The following NCKAP5 variants were observed in gnomAD, a reference collection of about 807,000 sequenced individuals.
NCKAP5 encodes the protein NCK associated protein 5.
Under a neutral mutation model 167.0 loss-of-function variants are expected in NCKAP5, and 92 were observed. The observed-to-expected ratio is 0.55, with a 90% CI of 0.47 to 0.66. The LOEUF is 0.66. Among genes scored for constraint, NCKAP5 ranks in the 30% least tolerant of loss-of-function variants. NCKAP5 has a pLI of 0.00. For synonymous variants in NCKAP5, 891 were observed against 877.4 expected (o/e 1.02, Z -0.27); for missense variants, 2,378 against 2,315.0 (o/e 1.03, Z -0.56).
At chr2:133,638,893 A>C in the NCKAP5 span, among the ~76,000 whole-genome samples, 1 of 151,660 alleles carries the variant, frequency 6.6e-6, no homozygotes, top group African/African-American at 2.4e-5. Flanking sequence ...TTTAAAGTGT[A>C]ACAAACAAGC....
the NCKAP5 span, among the ~76,000 whole-genome samples, chr2:133,592,287 A>T: frequency 6.6e-6 from 1 of 152,224 alleles, no homozygotes; most frequent in African/African-American, 2.4e-5. Context: ...CTAGTCAGAG[A>T]ATGAGATCCA....
At chr2:132,834,338 T>G (rs1687729494) in intron 11 of NCKAP5, among the ~76,000 whole-genome samples, 1 of 151,898 alleles carries the variant, frequency 6.6e-6, no homozygotes, top group Non-Finnish European at 1.5e-5. Context: ...TTTTTCTTTA[T>G]TTATCTCTTT....
At chr2:132,829,212 C>T (rs1275359410) in intron 11 of NCKAP5, among the ~76,000 whole-genome samples, 2 of 152,088 alleles carry the variant, frequency 1.3e-5, no homozygotes, top group East Asian at 1.9e-4. Context: ...AACAGCATGG[C>T]TTTTACAGTA....
chr2:133,364,423 G>C (rs773407511), intron 3 of NCKAP5, among the ~76,000 whole-genome samples: 1 of 152,020 alleles, frequency 6.6e-6, no homozygotes, highest in Non-Finnish European at 1.5e-5. Flanking sequence ...TGCAAACATA[G>C]TACAGAATTC....
At chr2:133,036,030 G>C (rs2149439599) in intron 6 of NCKAP5, among the ~76,000 whole-genome samples, 1 of 151,874 alleles carries the variant, frequency 6.6e-6, no homozygotes, top group East Asian at 1.9e-4. Context: ...AGGATTATTA[G>C]GGGCTACTAT....
At chr2:133,147,870 C>T (rs1343919554) in intron 5 of NCKAP5, among the ~76,000 whole-genome samples, 1 of 152,002 alleles carries the variant, frequency 6.6e-6, no homozygotes, top group Non-Finnish European at 1.5e-5. Flanking sequence ...CAGCTTCTGG[C>T]ATTATTTATT....
chr2:133,111,163 A>G (rs2081897551), intron 6 of NCKAP5, among the ~76,000 whole-genome samples: 1 of 152,138 alleles, frequency 6.6e-6, no homozygotes, highest in South Asian at 2.1e-4. Flanking sequence ...CATAACACAC[A>G]CCACGTAAGA....
chr2:132,694,057 T>C (rs898656840), intron 19 of NCKAP5, among the ~76,000 whole-genome samples: 1 of 152,104 alleles, frequency 6.6e-6, no homozygotes, highest in South Asian at 2.1e-4. Context: ...AAAAGTGTAT[T>C]TATGAGGTTT....
In NCKAP5 at chr2:132,782,106, T is replaced by A. The variant is rs147016733; in HGVS notation, c.4705A>T (p.Ile1569Phe). Reference protein sequence around the residue: ...ELQCETENELIKDTKSADNPD... With the variant: ...ELQCETENELFKDTKSADNPD... ...TTATCTGCTGACTTGGTGTCCTTGA[T>A]AAGCTCATTTTCTGTCTCACACTGT... The change falls in exon 14 of 20, where the codon ATC (isoleucine) becomes TTC (phenylalanine). Residue 1569 changes from isoleucine to phenylalanine, a missense_variant. Ile to Phe is a conservative substitution (Grantham distance 21). Coordinates refer to ENST00000409261, the MANE Select transcript of NCKAP5 (RefSeq NM_207363.3). The A allele has an allele frequency of 4.4e-4, 710 of 1,614,082 alleles. 2 individuals are homozygous for A. The Middle Eastern group carries it at 4.5e-3, about 10-fold the overall frequency.
chr2:133,537,241 A>C (rs1192786009), intron 2 of NCKAP5, among the ~76,000 whole-genome samples: 1 of 151,926 alleles, frequency 6.6e-6, no homozygotes, highest in Non-Finnish European at 1.5e-5. Flanking sequence ...GAATCTTCCA[A>C]CTTCATTCTT....
At chr2:132,862,769 A>G (rs1690019753) in intron 10 of NCKAP5, among the ~76,000 whole-genome samples, 1 of 136,044 alleles carries the variant, frequency 7.4e-6, no homozygotes, top group South Asian at 2.4e-4. Context: ...CAGTCTCAAA[A>G]AAAAAAAAAC....
Position 133,055,708 on chromosome 2 carries a change from T to C in NCKAP5, c.342-61469A>G, listed in dbSNP as rs79549077. ...GCATCATTTGTTGCATTATTTGATC[T>C]ATCTACTAGTTATTTTGTCTCCACA... is the stretch of plus-strand genomic sequence containing the variant. On this transcript the variant is annotated intron_variant, in intron 6 of 19. Coordinates refer to ENST00000409261, the MANE Select transcript of NCKAP5 (RefSeq NM_207363.3). Among the ~76,000 whole-genome samples, 5 of 152,278 alleles carry C rather than the reference T, an allele frequency of 3.3e-5. No individual in the cohort carries two copies. The East Asian group carries it at 9.7e-4, about 29-fold the overall frequency.
At chr2:133,009,178 AG>A (rs1265135320) in intron 6 of NCKAP5, among the ~76,000 whole-genome samples, 1 of 152,210 alleles carries the variant, frequency 6.6e-6, no homozygotes, top group Non-Finnish European at 1.5e-5. Context: ...GTTTTAAATA[AG>A]AATATTCTTG....
At chr2:132,797,197 T>C (rs998320846) in intron 11 of NCKAP5, among the ~76,000 whole-genome samples, 1 of 152,214 alleles carries the variant, frequency 6.6e-6, no homozygotes, top group African/African-American at 2.4e-5. Context: ...AAATCTTCCC[T>C]TGGACACGTT....
chr2:133,190,128 C>T (rs539755188), intron 5 of NCKAP5, among the ~76,000 whole-genome samples: 147 of 152,040 alleles, frequency 9.7e-4, no homozygotes, highest in African/African-American at 3.4e-3. Flanking sequence ...TATACACCAA[C>T]AACAGACAAA....
At chr2:133,104,061 C>T (rs1821420) in intron 6 of NCKAP5, among the ~76,000 whole-genome samples, 48,693 of 151,580 alleles carry the variant, frequency 0.32, 8,544 homozygotes, top group East Asian at 0.58. Flanking sequence ...TGGCCCAGAG[C>T]TGCCCCTCCC....
At chr2:132,994,016 G>T in intron 7 of NCKAP5, 136 bp downstream of exon 7, 1 of 551,238 alleles carries the variant, frequency 1.8e-6, no homozygotes, top group South Asian at 2.7e-5. Flanking sequence ...TCAAAACAGA[G>T]GTGACTAGGT....
intron 3 of NCKAP5, among the ~76,000 whole-genome samples, chr2:133,331,798 C>T (rs771993670): frequency 2.6e-5 from 4 of 152,194 alleles, no homozygotes; most frequent in Non-Finnish European, 4.4e-5. Context: ...GGGAGCACAA[C>T]GCACTGCCAC....
chr2:132,702,168 T>A (rs1191070923), intron 19 of NCKAP5, among the ~76,000 whole-genome samples: 1 of 152,136 alleles, frequency 6.6e-6, no homozygotes, highest in East Asian at 1.9e-4. Flanking sequence ...TAATGGTGCT[T>A]CTGTGCTATA....
Sources: gnomAD v4.1 joint callset for allele counts (sites outside exome capture counted in the v4.1 genomes callset) on GRCh38, gnomAD v4.1.1 for gene constraint, MANE v1.5 for transcripts, NCBI Gene and HGNC (gene_info 2026-07-23, HGNC 2026-07-21) for gene names.